The following TBCE variants were observed in gnomAD, a reference collection of about 807,000 sequenced individuals.
The protein encoded by TBCE is tubulin-specific chaperone E.
Under a neutral mutation model 77.0 loss-of-function variants are expected in TBCE, and 53 were observed. The observed-to-expected ratio is 0.69, with a 90% CI of 0.55 to 0.87. The LOEUF (loss-of-function observed/expected upper bound fraction) is 0.87, where lower values mean the gene tolerates loss of function less well. TBCE is among the 40% of genes least tolerant of loss of function. The pLI is 0.00. For missense variants in TBCE, 624 were observed against 622.4 expected (o/e 1.00, Z -0.03); for synonymous variants, 235 against 241.3 (o/e 0.97, Z 0.24).
At chr1:235,396,319 A>G (rs1678716243) in intron 2 of TBCE, among the ~76,000 whole-genome samples, 1 of 152,012 alleles carries the variant, frequency 6.6e-6, no homozygotes, top group African/African-American at 2.4e-5. Context: ...CTGCCTCCCA[A>G]AGTGCTGGGA....
intron 5 of TBCE, among the ~76,000 whole-genome samples, chr1:235,426,749 G>A (rs1192879231): frequency 6.6e-6 from 1 of 152,208 alleles, no homozygotes; most frequent in African/African-American, 2.4e-5. Flanking sequence ...GGGCTCTAGA[G>A]TTTCTCTTGC....
chr1:235,410,210 G>C (rs976051383), intron 3 of TBCE, among the ~76,000 whole-genome samples: 9 of 151,966 alleles, frequency 5.9e-5, no homozygotes, highest in Non-Finnish European at 1.0e-4. Context: ...TCACCCCACT[G>C]CACTCCAGCC....
At chr1:235,445,967 A>G (rs539870787) in intron 15 of TBCE, among the ~76,000 whole-genome samples, 5 of 152,336 alleles carry the variant, frequency 3.3e-5, no homozygotes, top group African/African-American at 7.2e-5. Flanking sequence ...TGTGGCTGCA[A>G]TAACCACATG....
At chr1:235,428,055 T>C (rs1680833952) in intron 6 of TBCE, among the ~76,000 whole-genome samples, 1 of 151,684 alleles carries the variant, frequency 6.6e-6, no homozygotes, top group South Asian at 2.1e-4. Context: ...CCAGGCGCAG[T>C]GGCTCACGCC....
At chr1:235,446,537 A>G (rs1185673969) in intron 15 of TBCE, among the ~76,000 whole-genome samples, 1 of 152,208 alleles carries the variant, frequency 6.6e-6, no homozygotes, top group South Asian at 2.1e-4. Context: ...ATACCTCTCA[A>G]ATTTTTAACA....
chr1:235,377,041 T>C (rs902021855), intron 1 of TBCE, among the ~76,000 whole-genome samples: 1 of 152,208 alleles, frequency 6.6e-6, no homozygotes, highest in Non-Finnish European at 1.5e-5. Flanking sequence ...TCTCTTTTGC[T>C]TTTCAACACT....
chr1:235,397,851 C>G (rs920815509), intron 2 of TBCE, among the ~76,000 whole-genome samples: 2 of 152,092 alleles, frequency 1.3e-5, no homozygotes, highest in Non-Finnish European at 2.9e-5. Context: ...TGAGGTATAC[C>G]CTTATACCAT....
rs528269421 is a variant in TBCE at position 235,374,431 on chromosome 1, T to C, written c.-31-5588T>C. The stretch of plus-strand genomic sequence containing the variant: ...TTTAAGGAGCTGGAAATGTTTACCC[T>C]GGTAGAGAGGTTTGGGAGATGAAGA... On this transcript the variant is annotated intron_variant, in intron 1 of 16. Transcript: ENST00000642610. Among the ~76,000 whole-genome samples, 78 of 146,386 alleles carry C rather than the reference T, an allele frequency of 5.3e-4. 6 individuals carry two copies. The highest frequency in any genetic ancestry group is 1.5e-4 in the Non-Finnish European group (10 of 66,744).
In TBCE at chr1:235,434,497, TA is replaced by T. The variant is rs1681296699; in HGVS notation, c.737+218del. Among the ~76,000 whole-genome samples the T allele has an allele frequency of 3.9e-5, 6 of 152,220 alleles. No homozygotes were observed. The South Asian group carries it at 1.2e-3, about 32-fold the overall frequency. On this transcript the variant is annotated intron_variant, in intron 8 of 16. Transcript: ENST00000642610. ...ATTAAATATTTGTGAAGACATGAGT[TA>T]TATTAGTTTTGCATCAGTGTATTAA...
intron 2 of TBCE, among the ~76,000 whole-genome samples, chr1:235,387,813 G>T (rs1294606552): frequency 3.9e-5 from 6 of 152,138 alleles, no homozygotes; most frequent in Admixed American, 3.9e-4. Context: ...AGGGTTCTTG[G>T]ATCTCGTGCA....
At chr1:235,383,443 C>G (rs564750770) in intron 2 of TBCE, among the ~76,000 whole-genome samples, 1 of 152,128 alleles carries the variant, frequency 6.6e-6, no homozygotes, top group East Asian at 1.9e-4. Context: ...TCTTCCTACC[C>G]ATGAGCATGG....
At position 235,450,068 on chromosome 1, in the gene TBCE, G is replaced by T; in HGVS notation, c.*1306G>T. Reference sequence around the variant, plus strand: ...TGCAAACATTAAGAAACACCGCATTGGTTCTGGGTGAAAGTGCCAGTCTGG... The same window carrying T: ...TGCAAACATTAAGAAACACCGCATTTGTTCTGGGTGAAAGTGCCAGTCTGG... On this transcript the variant is annotated 3_prime_UTR_variant, in exon 17 of 17. Transcript: ENST00000642610. 2.0e-6 allele frequency: 2 copies of T among 1,025,226 alleles called. No homozygotes were observed. Among genetic ancestry groups the T allele is most frequent in the Non-Finnish European group, 2.9e-6 (2 of 701,654 alleles). 63.5% of individuals were successfully genotyped at this position (1,025,226 alleles called of 1,614,324 possible). A position where few individuals can be genotyped will look rare whatever the true frequency, so the allele number is the denominator to read the frequency against.
intron 1 of TBCE, among the ~76,000 whole-genome samples, chr1:235,371,974 T>TTTTTTTCA (rs545722132): frequency 6.7e-6 from 1 of 150,304 alleles, no homozygotes; most frequent in Non-Finnish European, 1.5e-5. Flanking sequence ...GTGCCTGCCC[T>TTTTTTTCA]TTTTTTCATT....
chr1:235,406,392 TCAA>T (rs1679429020), intron 3 of TBCE, among the ~76,000 whole-genome samples: 1 of 152,208 alleles, frequency 6.6e-6, no homozygotes, highest in African/African-American at 2.4e-5. Context: ...GTTTACAGTG[TCAA>T]AATAAAAATA....
intron 7 of TBCE, among the ~76,000 whole-genome samples, chr1:235,431,134 C>G (rs1681059180): frequency 6.6e-6 from 1 of 152,088 alleles, no homozygotes; most frequent in African/African-American, 2.4e-5. Context: ...GACTAGCTTC[C>G]TGAGTTTTCC....
Position 235,448,339 on chromosome 1 carries a change from C to A in TBCE, c.1400-10C>A. 1 of 1,612,300 alleles carries A rather than the reference C, an allele frequency of 6.2e-7. No homozygotes were observed. Among genetic ancestry groups the A allele is most frequent in the South Asian group, 1.1e-5 (1 of 91,046 alleles). On this transcript the variant is annotated splice_polypyrimidine_tract_variant and intron_variant, in intron 15 of 16. Coordinates refer to ENST00000642610, the MANE Select transcript of TBCE (RefSeq NM_003193.5). ...GAGAGAACGAATGGACTTTTCTTGT[C>A]TTTTGATAGGCTCCATGACAATTCA...
intron 15 of TBCE, among the ~76,000 whole-genome samples, chr1:235,445,238 G>GCACT (rs749821890): frequency 3.3e-5 from 5 of 152,142 alleles, no homozygotes; most frequent in East Asian, 3.9e-4. Flanking sequence ...TCTCAAATGT[G>GCACT]CACTCACTCA....
intron 15 of TBCE, 68 bp from the exon 16 acceptor site, chr1:235,448,281 C>T (rs1307003638): frequency 8.7e-7 from 1 of 1,147,592 alleles, no homozygotes; most frequent in African/African-American, 1.6e-5. Flanking sequence ...GTGGTCTCAT[C>T]ACATGAGCTA....
chr1:235,426,135 TC>T (rs1200124591), intron 5 of TBCE, among the ~76,000 whole-genome samples: 2 of 152,170 alleles, frequency 1.3e-5, no homozygotes, highest in Admixed American at 1.3e-4. Flanking sequence ...GCTGGCCCGG[TC>T]CTGCTGCAAG....
Sources: gnomAD v4.1 joint callset for allele counts (sites outside exome capture counted in the v4.1 genomes callset) on GRCh38, gnomAD v4.1.1 for gene constraint, MANE v1.5 for transcripts, NCBI Gene and HGNC (gene_info 2026-07-23, HGNC 2026-07-21) for gene names.